The following LAMC2 variants were observed in gnomAD, a reference collection of about 807,000 sequenced individuals.
LAMC2 encodes laminin subunit gamma 2, also known as laminin subunit gamma-2.
LAMC2 carries 97 observed loss-of-function variants against 140.2 expected under a neutral mutation model. The ratio of observed to expected loss-of-function variants is 0.69; its 90% CI spans 0.59 to 0.82. The LOEUF (loss-of-function observed/expected upper bound fraction) is 0.82, where lower values mean the gene tolerates loss of function less well. LAMC2 is among the 40% of genes least tolerant of loss of function. The pLI, the probability that LAMC2 is intolerant of heterozygous loss-of-function variation, is 0.00. For missense variants in LAMC2, 1,402 were observed against 1,476.1 expected, an observed-to-expected ratio of 0.95 and a Z score of 0.82; for synonymous variants, 513 against 540.2, an observed-to-expected ratio of 0.95 and a Z score of 0.70.
At chr1:183,220,601 G>A (rs1659436475) in intron 4 of LAMC2, among the ~76,000 whole-genome samples, 1 of 151,928 alleles carries the variant, frequency 6.6e-6, no homozygotes, top group African/African-American at 2.4e-5. Context: ...TTCTACAAAG[G>A]AACAGAAAGT....
intron 8 of LAMC2, 124 bp from the exon 9 acceptor site, chr1:183,226,574 C>A: frequency 1.2e-6 from 1 of 836,020 alleles, no homozygotes. Flanking sequence ...CTCTACATGG[C>A]ATGATATATG....
chr1:183,239,605 A>G, intron 20 of LAMC2, 42 bp downstream of exon 20: 1 of 1,525,864 alleles, frequency 6.6e-7, no homozygotes, highest in African/African-American at 1.4e-5. Context: ...AGTAGCACCA[A>G]ACACAAGGGT....
intron 22 of LAMC2, among the ~76,000 whole-genome samples, chr1:183,242,683 C>G (rs1160567080): frequency 1.3e-5 from 2 of 152,216 alleles, no homozygotes; most frequent in African/African-American, 2.4e-5. Context: ...AACCCTGAAG[C>G]TCAGCCAGTT....
rs1195000634 is a variant in LAMC2 at position 183,227,622 on chromosome 1, C to T, written c.1393C>T (p.His465Tyr). ...DPRSCKPCPCHNGFSCSVMPE... is the reference protein window; with the variant it reads ...DPRSCKPCPCYNGFSCSVMPE... The stretch of plus-strand genomic sequence containing the variant: ...CCGCAGCTGCAAGCCATGTCCCTGT[C>T]ATAACGGGTTCAGCTGCTCAGTGAT... Residue 465 changes from histidine to tyrosine, a missense_variant, in exon 10 of 23, where the codon CAT becomes TAT. By Grantham distance (83) the His-to-Tyr change is moderately conservative. Transcript: ENST00000264144. 6.2e-7 allele frequency: 1 copy of T among 1,614,176 alleles called. No individual in the cohort carries two copies. The highest frequency in any genetic ancestry group is 1.1e-5 in the South Asian group (1 of 91,070).
Position 183,207,975 on chromosome 1 carries a change from C to T in LAMC2, c.174C>T (p.Asp58=). ...GNGFRCLNCN[D]NTDGIHCEKC... ...GATTCCGCTGCCTCAACTGCAATGA[C>T]AACACTGATGGCATTCACTGCGAGA... The change falls in exon 2 of 23, where the codon GAC becomes GAT. Residue 58 remains aspartate (D), a synonymous_variant. Coordinates refer to ENST00000264144, the MANE Select transcript of LAMC2 (RefSeq NM_005562.3). The T allele has an allele frequency of 6.2e-7, 1 of 1,613,888 alleles. No individual in the cohort carries two copies. The highest frequency in any genetic ancestry group is 8.5e-7 in the Non-Finnish European group (1 of 1,179,962).
At position 183,222,930 on chromosome 1, in the gene LAMC2, C is replaced by T. The variant is rs181654725; in HGVS notation, c.764-205C>T. On this transcript the variant is annotated intron_variant, in intron 6 of 22. Transcript: ENST00000264144. ...TGGAATTGTCTTATAACAAGGCCCTCTTATCATTTCAGTAACTAACCCTCC... is the reference window on the plus strand; with the variant it reads ...TGGAATTGTCTTATAACAAGGCCCTTTTATCATTTCAGTAACTAACCCTCC... Among the ~76,000 whole-genome samples the T allele has an allele frequency of 1.2e-4, 19 of 152,302 alleles. No individual in the cohort carries two copies. The East Asian group carries it at 3.7e-3, about 29-fold the overall frequency.
the LAMC2 span, among the ~76,000 whole-genome samples, chr1:183,256,340 C>T: frequency 0.12 from 18,250 of 151,920 alleles, 1,127 homozygotes; most frequent in East Asian, 0.2. Context: ...ACCCAGGAGG[C>T]GGAGGTTGCA....
intron 2 of LAMC2, among the ~76,000 whole-genome samples, chr1:183,214,037 CAA>C (rs72025893): frequency 6.8e-5 from 8 of 117,534 alleles, no homozygotes; most frequent in Non-Finnish European, 8.9e-5. Context: ...AACTTCGTCT[CAA>C]AAAAAAAAAA....
the LAMC2 span, among the ~76,000 whole-genome samples, chr1:183,256,554 G>T: frequency 6.6e-6 from 1 of 152,176 alleles, no homozygotes; most frequent in Admixed American, 6.5e-5. Context: ...CAATTGATAT[G>T]GTCATGTGGT....
intron 1 of LAMC2, among the ~76,000 whole-genome samples, chr1:183,192,897 G>A (rs886128748): frequency 4.6e-5 from 7 of 152,070 alleles, no homozygotes; most frequent in African/African-American, 1.7e-4. Context: ...GTAGAGACGG[G>A]GTTTCACTGT....
intron 19 of LAMC2, 38 bp downstream of exon 19, chr1:183,238,459 AGTGT>A: frequency 7.1e-7 from 1 of 1,409,610 alleles, no homozygotes; most frequent in Non-Finnish European, 1.0e-6. Flanking sequence ...GAGTATTTTA[AGTGT>A]ATAGTCATGA....
chr1:183,221,261 C>G (rs1659459751), intron 5 of LAMC2, among the ~76,000 whole-genome samples: 1 of 152,128 alleles, frequency 6.6e-6, no homozygotes, highest in African/African-American at 2.4e-5. Flanking sequence ...AGGAATCATT[C>G]ATTTGGTTTG....
At chr1:183,224,353 A>T (rs1167706038) in intron 7 of LAMC2, among the ~76,000 whole-genome samples, 1 of 152,166 alleles carries the variant, frequency 6.6e-6, no homozygotes, top group Non-Finnish European at 1.5e-5. Context: ...TTGGAAAAGG[A>T]CCCATCATGT....
intron 17 of LAMC2, 61 bp from the exon 18 acceptor site, chr1:183,237,289 AAC>A (rs1659993726): frequency 3.2e-6 from 5 of 1,586,400 alleles, no homozygotes; most frequent in Non-Finnish European, 3.5e-6. Flanking sequence ...GCCAGGTCCT[AAC>A]AAGGCTGGTG....
intron 19 of LAMC2, among the ~76,000 whole-genome samples, chr1:183,238,842 T>C (rs1660043298): frequency 6.6e-6 from 1 of 152,240 alleles, no homozygotes; most frequent in Admixed American, 6.5e-5. Context: ...ACTGATATGT[T>C]TCTTTGTGGT....
At chr1:183,218,006 A>T (rs778828850) in intron 3 of LAMC2, among the ~76,000 whole-genome samples, 1 of 152,268 alleles carries the variant, frequency 6.6e-6, no homozygotes, top group Non-Finnish European at 1.5e-5. Context: ...TAAAAAGCAG[A>T]CATCATTTAA....
chr1:183,191,632 C>T (rs909821008), intron 1 of LAMC2, among the ~76,000 whole-genome samples: 2 of 151,448 alleles, frequency 1.3e-5, no homozygotes, highest in Non-Finnish European at 2.9e-5. Context: ...CCGAGGCGGG[C>T]GGATTACCTG....
At position 183,238,329 on chromosome 1, in the gene LAMC2, G is replaced by T; in HGVS notation, c.2777G>T (p.Arg926Leu). The T allele has an allele frequency of 6.2e-7, 1 of 1,613,874 alleles. No individual in the cohort carries two copies. ...CAGAAATCAGATCAGCTGCTTTCCC[G>T]TGCCAATCTTGCTAAAAGCAGAGCA... is the stretch of plus-strand genomic sequence containing the variant. ...GREKSDQLLS[R>L]ANLAKSRAQE... Residue 926 changes from arginine (R) to leucine (L), a missense_variant, in exon 19 of 23, where the codon CGT (arginine) becomes CTT (leucine). Around this residue, in one of 3 missense-constraint regions of LAMC2, gnomAD observed 670 missense variants for 667.2 expected, o/e 1.00. Transcript: ENST00000264144.
At chr1:183,196,141 G>A (rs905640213) in intron 1 of LAMC2, among the ~76,000 whole-genome samples, 1 of 108,524 alleles carries the variant, frequency 9.2e-6, no homozygotes, top group Non-Finnish European at 1.8e-5. Context: ...TGATAAAAAT[G>A]ATTTTTTTTT....
Sources: allele counts gnomAD v4.1 joint callset (sites outside exome capture counted in the v4.1 genomes callset), GRCh38; gene constraint gnomAD v4.1.1; regional missense constraint gnomAD v4.1.1; transcripts MANE v1.5; gene names NCBI Gene and HGNC (gene_info 2026-07-23, HGNC 2026-07-21).